The following EDNRA variants were observed in gnomAD, a reference collection of about 807,000 sequenced individuals.
EDNRA encodes the protein endothelin-1 receptor.
In EDNRA, 11 loss-of-function variants were observed where a neutral mutation model predicts 41.4. The observed-to-expected ratio is 0.27, with a 90% CI of 0.17 to 0.44. EDNRA has a LOEUF of 0.44. Among genes scored for constraint, EDNRA ranks in the 20% least tolerant of loss-of-function variants. The pLI is 1.00. For missense variants in EDNRA, 294 were observed against 531.0 expected, an observed-to-expected ratio of 0.55 and a Z score of 4.39; for synonymous variants, 172 against 183.0, an observed-to-expected ratio of 0.94 and a Z score of 0.49.
rs1456500945 is a variant in EDNRA at position 147,483,187 on chromosome 4, A to T, written c.-71+1811A>T. Reference sequence around the variant, plus strand: ...ATACTCACTCCAGATTATAAGAAGCAGGAAAAAACTGCAAACTGTTTATAA... The same window carrying T: ...ATACTCACTCCAGATTATAAGAAGCTGGAAAAAACTGCAAACTGTTTATAA... On this transcript the variant is annotated intron_variant, in intron 1 of 7. Coordinates refer to ENST00000651419, the MANE Select transcript of EDNRA (RefSeq NM_001957.4). 1.0e-3 allele frequency among the ~76,000 whole-genome samples: 146 copies of T among 144,658 alleles called. 5 individuals carry two copies. In the South Asian group the frequency reaches 0.029, roughly 29 times the overall value. The allele number at this position is 144,658 out of a possible 152,430, so 94.9% of individuals were successfully genotyped here. A position where few individuals can be genotyped will look rare whatever the true frequency, so the allele number is the denominator to read the frequency against.
chr4:147,505,964 A>G (rs1729702119), intron 2 of EDNRA: 3 of 321,582 alleles, frequency 9.3e-6, no homozygotes, highest in South Asian at 8.1e-5. Flanking sequence ...TTCTTATAAA[A>G]CTAAATATGC....
chr4:147,492,391 A>G (rs1034244390), intron 2 of EDNRA: 4 of 152,206 alleles, frequency 2.6e-5, no homozygotes, highest in Non-Finnish European at 5.9e-5. Context: ...TATTGAGTTT[A>G]TTGAATTTCT....
chr4:147,517,959 G>A (rs984707075), intron 2 of EDNRA, among the ~76,000 whole-genome samples: 13 of 152,220 alleles, frequency 8.5e-5, no homozygotes, highest in Admixed American at 8.5e-4. Context: ...TATTAAGCAA[G>A]AACATCTTTT....
chr4:147,493,438 AG>A (rs1278607545), intron 2 of EDNRA: 1 of 152,090 alleles, frequency 6.6e-6, no homozygotes, highest in Non-Finnish European at 1.5e-5. Context: ...ACTAAAATGA[AG>A]GGGGCTGAGG....
At chr4:147,536,933 G>T (rs1401952177) in intron 5 of EDNRA, among the ~76,000 whole-genome samples, 3 of 152,172 alleles carry the variant, frequency 2.0e-5, no homozygotes, top group Non-Finnish European at 4.4e-5. Context: ...ACATCATGGG[G>T]ATTACCTGAG....
chr4:147,527,048 GTTAA>G (rs1730580305), intron 3 of EDNRA, among the ~76,000 whole-genome samples: 1 of 152,196 alleles, frequency 6.6e-6, no homozygotes, highest in Non-Finnish European at 1.5e-5. Flanking sequence ...CAAGTTTGCT[GTTAA>G]TTAAAGATGT....
intron 2 of EDNRA, chr4:147,489,971 C>T (rs1012868724): frequency 2.6e-5 from 4 of 152,166 alleles, no homozygotes; most frequent in Admixed American, 2.0e-4. Flanking sequence ...AAGGAACATA[C>T]TTTGCCCTAA....
At chr4:147,500,733 G>A (rs1729489305) in intron 2 of EDNRA, among the ~76,000 whole-genome samples, 1 of 145,330 alleles carries the variant, frequency 6.9e-6, no homozygotes, top group Admixed American at 6.8e-5. Flanking sequence ...GGAGCTACAG[G>A]GGATGGAGGT....
At chr4:147,489,254 C>T (rs1229668348) in intron 2 of EDNRA, 1 of 151,886 alleles carries the variant, frequency 6.6e-6, no homozygotes, top group African/African-American at 2.4e-5. Context: ...TTAGGGTATC[C>T]ATCACAAAAA....
In EDNRA at chr4:147,540,465, A is replaced by G. The variant is rs749137757; in HGVS notation, c.1123A>G (p.Lys375Glu). Reference protein sequence around the residue: ...NPIALYFVSKKFKNCFQSCLC... With the variant: ...NPIALYFVSKEFKNCFQSCLC... ...CATAGCTCTGTATTTTGTGAGCAAG[A>G]AATTTAAAAATTGTTTCCAGGTAAG... is the stretch of plus-strand genomic sequence containing the variant. Residue 375 changes from lysine to glutamate, a missense_variant, in exon 7 of 8, where the codon AAA becomes GAA. Around this residue, in one of 3 missense-constraint regions of EDNRA, gnomAD observed 185 missense variants for 390.8 expected, o/e 0.47. Transcript: ENST00000651419. 1 of 1,610,582 alleles carries G rather than the reference A, an allele frequency of 6.2e-7. No individual in the cohort carries two copies. The highest frequency in any genetic ancestry group is 1.1e-5 in the South Asian group (1 of 89,864).
At chr4:147,499,483 G>A (rs568581707) in intron 2 of EDNRA, among the ~76,000 whole-genome samples, 1 of 152,258 alleles carries the variant, frequency 6.6e-6, no homozygotes, top group African/African-American at 2.4e-5. Context: ...CAACAACCAA[G>A]ATCTATTGTC....
intron 2 of EDNRA, among the ~76,000 whole-genome samples, chr4:147,514,961 C>T (rs2126439949): frequency 6.6e-6 from 1 of 152,258 alleles, no homozygotes; most frequent in Admixed American, 6.5e-5. Flanking sequence ...TCAGGCCCTG[C>T]CCCAGACCTA....
chr4:147,536,204 C>A (rs558402947), intron 5 of EDNRA, among the ~76,000 whole-genome samples, 175 bp downstream of exon 5: 1 of 152,180 alleles, frequency 6.6e-6, no homozygotes, highest in South Asian at 2.1e-4. Flanking sequence ...AAATGGGAAA[C>A]CTGCTTGTAA....
chr4:147,525,197 T>A (rs552852032), intron 3 of EDNRA, among the ~76,000 whole-genome samples: 2 of 152,368 alleles, frequency 1.3e-5, no homozygotes, highest in African/African-American at 4.8e-5. Context: ...AAAGAAAATA[T>A]CTAGCTTTCT....
intron 4 of EDNRA, among the ~76,000 whole-genome samples, chr4:147,533,205 T>C (rs913713383): frequency 3.3e-5 from 5 of 152,190 alleles, no homozygotes; most frequent in African/African-American, 1.2e-4. Flanking sequence ...GTACTTATAT[T>C]AGTACGGTTT....
At chr4:147,523,452 T>C (rs1730397583) in intron 3 of EDNRA, among the ~76,000 whole-genome samples, 1 of 150,878 alleles carries the variant, frequency 6.6e-6, no homozygotes, top group South Asian at 2.1e-4. Flanking sequence ...TCTGTTTTGT[T>C]GGGTGTTTGT....
At chr4:147,535,842 C>T (rs200319155) in intron 4 of EDNRA, 35 bp from the exon 5 acceptor site, 52 of 1,592,246 alleles carry the variant, frequency 3.3e-5, no homozygotes, top group Non-Finnish European at 8.5e-7. Context: ...TGACTCTGCT[C>T]CTCCTTTTCT....
chr4:147,516,162 A>T (rs1347620815), intron 2 of EDNRA, among the ~76,000 whole-genome samples: 1 of 152,214 alleles, frequency 6.6e-6, no homozygotes, highest in Non-Finnish European at 1.5e-5. Context: ...CTGCTTGAGA[A>T]GAGGAGAACA....
intron 2 of EDNRA, chr4:147,495,043 A>C (rs543484507): frequency 6.6e-6 from 1 of 152,310 alleles, no homozygotes; most frequent in South Asian, 2.1e-4. Context: ...TAACATGAGA[A>C]TATTACCTAA....
Sources: allele counts gnomAD v4.1 joint callset (sites outside exome capture counted in the v4.1 genomes callset), GRCh38; gene constraint gnomAD v4.1.1; regional missense constraint gnomAD v4.1.1; transcripts MANE v1.5; gene names NCBI Gene and HGNC (gene_info 2026-07-23, HGNC 2026-07-21).